TENM3: variants seen among roughly 807,000 people sequenced by gnomAD.
The protein encoded by TENM3 is teneurin-3.
In TENM3, 63 loss-of-function variants were observed where a neutral mutation model predicts 255.1. The observed-to-expected ratio is 0.25, with a 90% CI of 0.20 to 0.30. TENM3 has a LOEUF of 0.30. Among genes scored for constraint, TENM3 ranks in the 10% least tolerant of loss-of-function variants. The pLI is 1.00. For missense variants in TENM3, 2,929 were observed against 3,461.1 expected, an observed-to-expected ratio of 0.85 and a Z score of 3.86; for synonymous variants, 1,306 against 1,322.3, an observed-to-expected ratio of 0.99 and a Z score of 0.27.
the TENM3 span, among the ~76,000 whole-genome samples, chr4:181,780,864 T>C: frequency 1.3e-5 from 2 of 152,208 alleles, no homozygotes; most frequent in African/African-American, 4.8e-5. Flanking sequence ...CCCAGCACCA[T>C]TTATTAAATA....
chr4:182,324,506 ATGATTC>A (rs1158388796), intron 2 of TENM3, among the ~76,000 whole-genome samples: 4 of 152,232 alleles, frequency 2.6e-5, no homozygotes, highest in African/African-American at 9.6e-5. Context: ...CGTGAGGTTT[ATGATTC>A]TGCACGTGGC....
At chr4:181,844,511 G>A in the TENM3 span, among the ~76,000 whole-genome samples, 22 of 151,548 alleles carry the variant, frequency 1.5e-4, no homozygotes, top group East Asian at 2.0e-4. Context: ...TACTAAAAAT[G>A]CAAAAAATTA....
chr4:181,845,713 T>C, the TENM3 span, among the ~76,000 whole-genome samples: 1 of 152,244 alleles, frequency 6.6e-6, no homozygotes, highest in African/African-American at 2.4e-5. Flanking sequence ...ATTAACGCTC[T>C]ATACCTAAAA....
chr4:182,174,676 T>C (rs1752341389), intron 1 of TENM3, among the ~76,000 whole-genome samples: 1 of 152,168 alleles, frequency 6.6e-6, no homozygotes, highest in Admixed American at 6.5e-5. Context: ...ATCAAGAAAA[T>C]AATTGAAACT....
intron 3 of TENM3, among the ~76,000 whole-genome samples, chr4:182,393,781 T>G (rs1768607085): frequency 6.6e-6 from 1 of 152,194 alleles, no homozygotes; most frequent in African/African-American, 2.4e-5. Flanking sequence ...CAATGACACT[T>G]TATCACAGAG....
At chr4:182,237,693 C>T (rs1223805814) in intron 1 of TENM3, among the ~76,000 whole-genome samples, 1 of 152,194 alleles carries the variant, frequency 6.6e-6, no homozygotes, top group Admixed American at 6.5e-5. Context: ...GTCTGTTACA[C>T]AGCAAAGTTA....
the TENM3 span, among the ~76,000 whole-genome samples, chr4:181,564,646 C>T: frequency 6.6e-6 from 1 of 152,124 alleles, no homozygotes; most frequent in African/African-American, 2.4e-5. Flanking sequence ...TTCCTCCTCC[C>T]CCATCTGTCT....
chr4:182,395,428 G>A (rs540963836), intron 3 of TENM3, among the ~76,000 whole-genome samples: 1 of 152,270 alleles, frequency 6.6e-6, no homozygotes, highest in Non-Finnish European at 1.5e-5. Context: ...TGGGTAAAAT[G>A]TGGCCCTCAG....
At chr4:182,465,910 C>A (rs1410770831) in intron 3 of TENM3, among the ~76,000 whole-genome samples, 2 of 151,896 alleles carry the variant, frequency 1.3e-5, no homozygotes, top group African/African-American at 4.8e-5. Context: ...ATGTTTTCTT[C>A]TATTTTTTTA....
At chr4:181,790,183 C>A in the TENM3 span, among the ~76,000 whole-genome samples, 20 of 152,094 alleles carry the variant, frequency 1.3e-4, no homozygotes, top group Admixed American at 1.0e-3. Context: ...TGCTGGTGGC[C>A]CCCGGAGGAT....
chr4:181,921,076 C>G, the TENM3 span, among the ~76,000 whole-genome samples: 1 of 152,154 alleles, frequency 6.6e-6, no homozygotes, highest in Non-Finnish European at 1.5e-5. Flanking sequence ...GGGCTCTGTT[C>G]TCTTCCATTC....
chr4:182,227,636 G>A (rs1579805565), intron 1 of TENM3, among the ~76,000 whole-genome samples: 1 of 142,656 alleles, frequency 7.0e-6, no homozygotes. Context: ...GATGTGCAGG[G>A]CTTTTTTTTT....
chr4:182,302,602 T>A (rs1761913337), intron 1 of TENM3, among the ~76,000 whole-genome samples: 3 of 152,142 alleles, frequency 2.0e-5, no homozygotes, highest in Admixed American at 6.6e-5. Flanking sequence ...CCCAAAATAA[T>A]GATAACAGAA....
chr4:181,949,883 C>T, the TENM3 span, among the ~76,000 whole-genome samples: 1 of 152,040 alleles, frequency 6.6e-6, no homozygotes, highest in Admixed American at 6.6e-5. Context: ...ACTTGTTGTT[C>T]CTCTCCCTCA....
intron 18 of TENM3, among the ~76,000 whole-genome samples, chr4:182,741,504 C>T (rs2152732195): frequency 6.6e-6 from 1 of 152,282 alleles, no homozygotes; most frequent in Non-Finnish European, 1.5e-5. Context: ...AAGGGCCAAT[C>T]GTTCAAAGTA....
At chr4:182,711,857 G>A (rs1758769423) in intron 12 of TENM3, among the ~76,000 whole-genome samples, 1 of 151,936 alleles carries the variant, frequency 6.6e-6, no homozygotes, top group East Asian at 1.9e-4. Flanking sequence ...GAAGATAATG[G>A]TACATTTGCT....
At chr4:182,776,065 C>T (rs1579457437) in intron 24 of TENM3, among the ~76,000 whole-genome samples, 1 of 151,896 alleles carries the variant, frequency 6.6e-6, no homozygotes, top group East Asian at 1.9e-4. Flanking sequence ...TTACCCTATA[C>T]TACCTCTGTT....
the TENM3 span, among the ~76,000 whole-genome samples, chr4:182,038,919 G>T: frequency 1.3e-5 from 2 of 152,054 alleles, no homozygotes; most frequent in South Asian, 4.2e-4. Flanking sequence ...TTTCAGCAGA[G>T]ATGAGGTTTC....
chr4:181,992,866 A>C, the TENM3 span, among the ~76,000 whole-genome samples: 4 of 152,074 alleles, frequency 2.6e-5, no homozygotes, highest in Non-Finnish European at 4.4e-5. Context: ...GAACTTCTTG[A>C]CAGATAAAAT....
Sources: gnomAD v4.1 joint callset for allele counts (sites outside exome capture counted in the v4.1 genomes callset) on GRCh38, gnomAD v4.1.1 for gene constraint, MANE v1.5 for transcripts, NCBI Gene and HGNC (gene_info 2026-07-23, HGNC 2026-07-21) for gene names.